EPHX2: variants seen among roughly 807,000 people sequenced by gnomAD.
The protein encoded by EPHX2 is epoxide hydrolase 2.
EPHX2 carries 74 observed loss-of-function variants against 78.7 expected under a neutral mutation model. The ratio of observed to expected loss-of-function variants is 0.94; its 90% CI spans 0.78 to 1.14. The LOEUF is 1.14. EPHX2 is among the 50% of genes most tolerant of loss of function. The pLI, the probability that EPHX2 is intolerant of heterozygous loss-of-function variation, is 0.00. For missense variants in EPHX2, 715 were observed against 702.5 expected, an observed-to-expected ratio of 1.02 and a Z score of -0.20; for synonymous variants, 251 against 255.2, an observed-to-expected ratio of 0.98 and a Z score of 0.16.
intron 12 of EPHX2, among the ~76,000 whole-genome samples, chr8:27,526,391 A>C (rs1053943358): frequency 6.6e-6 from 1 of 152,216 alleles, no homozygotes; most frequent in Admixed American, 6.5e-5. Context: ...GTCGCATCCC[A>C]CATACTACAG....
rs1471233714 is a variant in EPHX2 at position 27,541,562 on chromosome 8, T to C, written c.1449+20T>C. ...CGGAAGGTGAGTGCCAGGTTCAGTG[T>C]AGTCTCATCCACACCCCAGGACCCG... On this transcript the variant is annotated intron_variant, in intron 16 of 18. Transcript: ENST00000521400. The C allele has an allele frequency of 1.2e-6, 2 of 1,614,022 alleles. No homozygotes were observed. Among genetic ancestry groups the C allele is most frequent in the East Asian group, 4.5e-5 (2 of 44,888 alleles).
intron 11 of EPHX2, among the ~76,000 whole-genome samples, chr8:27,525,071 T>C (rs543487031): frequency 3.3e-3 from 85 of 25,644 alleles, no homozygotes; most frequent in African/African-American, 9.9e-3. Context: ...ATGTGTACTG[T>C]GTGTGTGTGT....
In EPHX2 at chr8:27,501,072, C is replaced by A. The variant is rs1371747528; in HGVS notation, c.186+62C>A. ...ACGTTCTCTGCCTGTGTGCCCATCT[C>A]CCCGAACTTGGGGCCCACCATAATA... On this transcript the variant is annotated intron_variant, in intron 2 of 18. Transcript: ENST00000521400. 3.4e-6 allele frequency: 5 copies of A among 1,462,652 alleles called. No individual in the cohort carries two copies. The East Asian group carries it at 1.1e-4, about 34-fold the overall frequency. The allele number at this position is 1,462,652 out of a possible 1,614,324, so 90.6% of individuals were successfully genotyped here. A position where few individuals can be genotyped will look rare whatever the true frequency, so the allele number is the denominator to read the frequency against.
Position 27,491,169 on chromosome 8 carries a change from T to A in EPHX2, c.-40T>A. ...CCCTGGCCTTCGCGCATCTCCCAGG[T>A]TAGCTGCGTGTCCGGGTGCTAGGCT... On this transcript the variant is annotated 5_prime_UTR_variant, in exon 1 of 19. Coordinates refer to ENST00000521400, the MANE Select transcript of EPHX2 (RefSeq NM_001979.6). 1 of 1,537,458 alleles carries A rather than the reference T, an allele frequency of 6.5e-7. No individual in the cohort carries two copies.
chr8:27,491,198 G>A lies in EPHX2; in HGVS notation c.-11G>A, dbSNP rs772540676. The A allele has an allele frequency of 1.3e-5, 20 of 1,570,362 alleles. No individual in the cohort carries two copies. The highest frequency in any genetic ancestry group is 1.2e-4 in the African/African-American group (9 of 73,198). ...CTGCGTGTCCGGGTGCTAGGCTGCA[G>A]ACCCGCCGCCATGACGCTGCGCGCG... On this transcript the variant is annotated 5_prime_UTR_variant, in exon 1 of 19. Coordinates refer to ENST00000521400, the MANE Select transcript of EPHX2 (RefSeq NM_001979.6).
intron 3 of EPHX2, 116 bp from the exon 4 acceptor site, chr8:27,504,840 A>T (rs1192994392): frequency 1.9e-6 from 2 of 1,057,594 alleles, no homozygotes; most frequent in East Asian, 5.2e-5. Context: ...GGCATAAGAG[A>T]TTAATAAAAG....
At chr8:27,519,180 C>T (rs1170196654) in intron 9 of EPHX2, among the ~76,000 whole-genome samples, 2 of 152,196 alleles carry the variant, frequency 1.3e-5, no homozygotes, top group Admixed American at 1.3e-4. Context: ...TTCACAGCAG[C>T]ATTATCCCTA....
intron 2 of EPHX2, among the ~76,000 whole-genome samples, chr8:27,501,324 T>TTTCTTCCTCTTC (rs1378699940): frequency 1.6e-4 from 16 of 103,012 alleles, no homozygotes; most frequent in Admixed American, 4.3e-4. Flanking sequence ...TGCTATATAT[T>TTTCTTCCTCTTC]TTCTTCTTCT....
At chr8:27,511,094 G>A (rs777911955) in intron 5 of EPHX2, among the ~76,000 whole-genome samples, 12 of 152,198 alleles carry the variant, frequency 7.9e-5, no homozygotes, top group Non-Finnish European at 1.5e-4. Context: ...AGCCCCACCA[G>A]CACCTTGACT....
intron 10 of EPHX2, among the ~76,000 whole-genome samples, chr8:27,521,893 G>A (rs1483248893): frequency 6.6e-6 from 1 of 152,288 alleles, no homozygotes; most frequent in East Asian, 1.9e-4. Flanking sequence ...TTCTGAGAAC[G>A]TGTCCCCCTT....
chr8:27,497,583 TCAGGGCC>T (rs929410502), intron 1 of EPHX2, among the ~76,000 whole-genome samples: 4 of 152,194 alleles, frequency 2.6e-5, no homozygotes, highest in African/African-American at 7.2e-5. Flanking sequence ...CAAATTTTGT[TCAGGGCC>T]CAGGGATAGC....
At chr8:27,527,762 A>C (rs562963611) in intron 12 of EPHX2, among the ~76,000 whole-genome samples, 1 of 152,346 alleles carries the variant, frequency 6.6e-6, no homozygotes, top group African/African-American at 2.4e-5. Flanking sequence ...CATGGTGTGT[A>C]TAGACCACAT....
rs773253379 is a variant in EPHX2 at position 27,544,564 on chromosome 8, C to T, written c.*42C>T. The T allele has an allele frequency of 5.6e-6, 9 of 1,600,750 alleles. No individual in the cohort carries two copies. The highest frequency in any genetic ancestry group is 2.2e-5 in the South Asian group (2 of 90,754). On this transcript the variant is annotated 3_prime_UTR_variant, in exon 19 of 19. Transcript: ENST00000521400. Reference sequence around the variant, plus strand: ...ACGCTCAGCAGGTGTGCCATCCTTCCACCTGCTGGGGCACCATTCTTAGTA... The same window carrying T: ...ACGCTCAGCAGGTGTGCCATCCTTCTACCTGCTGGGGCACCATTCTTAGTA...
chr8:27,539,861 A>T (rs925122868), intron 14 of EPHX2, among the ~76,000 whole-genome samples: 3 of 152,156 alleles, frequency 2.0e-5, no homozygotes, highest in South Asian at 2.1e-4. Flanking sequence ...GCCTGGAATG[A>T]CCAGTTCCTG....
At chr8:27,495,241 A>AT (rs760328097) in intron 1 of EPHX2, among the ~76,000 whole-genome samples, 3 of 151,578 alleles carry the variant, frequency 2.0e-5, no homozygotes, top group Non-Finnish European at 4.4e-5. Flanking sequence ...ATACACATTT[A>AT]TTTTTTTTTC....
chr8:27,508,450 A>G (rs1191108979), intron 5 of EPHX2, among the ~76,000 whole-genome samples: 1 of 152,206 alleles, frequency 6.6e-6, no homozygotes, highest in East Asian at 1.9e-4. Context: ...ACCTTAAAGC[A>G]TCTTGCCCAA....
At chr8:27,538,586 G>C in intron 13 of EPHX2, 73 bp from the exon 14 acceptor site, 1 of 1,401,720 alleles carries the variant, frequency 7.1e-7, no homozygotes, top group Non-Finnish European at 9.9e-7. Flanking sequence ...GTCGTAACAG[G>C]GTTTTCAGAT....
downstream of EPHX2, among the ~76,000 whole-genome samples, chr8:27,546,238 C>G (rs1815574617): frequency 6.6e-6 from 1 of 152,056 alleles, no homozygotes; most frequent in Admixed American, 6.5e-5. Context: ...AAAAGGATAT[C>G]TGTGCCCCAG....
chr8:27,532,448 C>T (rs1027897518), intron 12 of EPHX2, among the ~76,000 whole-genome samples: 2 of 152,194 alleles, frequency 1.3e-5, no homozygotes, highest in Non-Finnish European at 2.9e-5. Context: ...TTCCCACTCC[C>T]GGGGCTGCCA....
Sources: gnomAD v4.1 joint callset for allele counts (sites outside exome capture counted in the v4.1 genomes callset) on GRCh38, gnomAD v4.1.1 for gene constraint, MANE v1.5 for transcripts, NCBI Gene and HGNC (gene_info 2026-07-23, HGNC 2026-07-21) for gene names.